Variants in OSBPL5 observed in about 807,000 individuals in gnomAD.
OSBPL5 encodes the protein oxysterol binding protein like 5, also known as oxysterol-binding protein-related protein 5.
Under a neutral mutation model 111.2 loss-of-function variants are expected in OSBPL5, and 71 were observed. The observed-to-expected ratio is 0.64, with a 90% CI of 0.53 to 0.78. OSBPL5 has a LOEUF of 0.78. Ranked by LOEUF, OSBPL5 falls within the 30% of genes least tolerant of loss-of-function variation. The pLI, the probability that OSBPL5 is intolerant of heterozygous loss-of-function variation, is 0.00. For synonymous variants in OSBPL5, 549 were observed against 513.9 expected (o/e 1.07, Z -0.93); for missense variants, 1,210 against 1,189.3 (o/e 1.02, Z -0.26).
intron 1 of OSBPL5, chr11:3,164,149 G>A (rs1847043810): frequency 1.3e-5 from 2 of 152,394 alleles, no homozygotes; most frequent in Admixed American, 6.5e-5. Flanking sequence ...ATCAGGTGGG[G>A]TGGGACCCTT....
intron 15 of OSBPL5, 44 bp from the exon 16 acceptor site, chr11:3,093,879 G>C: frequency 6.3e-7 from 1 of 1,577,608 alleles, no homozygotes; most frequent in South Asian, 1.1e-5. Flanking sequence ...GCGGGGGCTG[G>C]GGCCTCCAGA....
chr11:3,144,499 T>C (rs1435230803), intron 1 of OSBPL5, among the ~76,000 whole-genome samples: 3 of 152,190 alleles, frequency 2.0e-5, no homozygotes, highest in Non-Finnish European at 4.4e-5. Flanking sequence ...CCAGGCTCCG[T>C]GGCCGGGACC....
Position 3,142,120 on chromosome 11 carries a change from T to C in OSBPL5, c.-21-12951A>G, listed in dbSNP as rs985042251. Among the ~76,000 whole-genome samples, 1 of 152,236 alleles carries C rather than the reference T, an allele frequency of 6.6e-6. No individual in the cohort carries two copies. Among genetic ancestry groups the C allele is most frequent in the African/African-American group, 2.4e-5 (1 of 41,472 alleles). On this transcript the variant is annotated intron_variant, in intron 1 of 21. Transcript: ENST00000263650. This position sits in a 1 kb window ranked among gnomAD's most constrained non-coding sequence, Gnocchi z 7.1. ...TTTCAGTAGAGACATGGTTTCACCA[T>C]GTTGGCCAGGCTGGTCTCCAACTCC...
chr11:3,159,956 G>A (rs576102256), intron 1 of OSBPL5, among the ~76,000 whole-genome samples: 3 of 152,252 alleles, frequency 2.0e-5, no homozygotes, highest in East Asian at 1.9e-4. Flanking sequence ...TTCCGGCTGC[G>A]TCTTCCTCGG....
At position 3,094,325 on chromosome 11, in the gene OSBPL5, T is replaced by C. The variant is rs371388130; in HGVS notation, c.1631A>G (p.Tyr544Cys). 8.1e-6 allele frequency: 13 copies of C among 1,613,240 alleles called. No homozygotes were observed. The highest frequency in any genetic ancestry group is 1.0e-5 in the Non-Finnish European group (12 of 1,179,932). Residue 544 changes from tyrosine to cysteine, a missense_variant, in exon 15 of 22, where the codon TAT (tyrosine) becomes TGT (cysteine). Coordinates refer to ENST00000263650, the MANE Select transcript of OSBPL5 (RefSeq NM_020896.4). ...MPYAHCKGIL[Y>C]GTMTLELGGK... ...ACCCAGCTCCAGGGTCATCGTGCCA[T>C]ACAGGATTCCTGAAATGCAGCCAGT...
rs2134479160 is a variant in OSBPL5 at position 3,130,407 on chromosome 11, G to GA, written c.-21-1239_-21-1238insT. Among the ~76,000 whole-genome samples, 1 of 122,640 alleles carries GA rather than the reference G, an allele frequency of 8.2e-6. No individual in the cohort carries two copies. The highest frequency in any genetic ancestry group is 1.9e-5 in the Non-Finnish European group (1 of 51,780). 80.5% of individuals were successfully genotyped at this position (122,640 alleles called of 152,430 possible). Reference sequence around the variant, plus strand: ...TTCTCCCATGGTCCTGGGCTTTGCTGGGGGGGGCCTCAGACACACAGAGAC... The same window carrying GA: ...TTCTCCCATGGTCCTGGGCTTTGCTGAGGGGGGGCCTCAGACACACAGAGAC... On this transcript the variant is annotated intron_variant, in intron 1 of 21. Transcript: ENST00000263650. This position sits in a 1 kb window ranked among gnomAD's most constrained non-coding sequence, Gnocchi z 4.5.
At chr11:3,108,384 G>A (rs1050632804) in intron 7 of OSBPL5, among the ~76,000 whole-genome samples, 2 of 152,178 alleles carry the variant, frequency 1.3e-5, no homozygotes, top group African/African-American at 4.8e-5. Flanking sequence ...GGTTTCTGCA[G>A]GTGGAGTTAG....
intron 11 of OSBPL5, 59 bp from the exon 12 acceptor site, chr11:3,102,340 G>C: frequency 6.7e-7 from 1 of 1,499,998 alleles, no homozygotes; most frequent in Non-Finnish European, 9.1e-7. Context: ...GCTGTGCAGA[G>C]CAGGTGAGGG....
intron 7 of OSBPL5, among the ~76,000 whole-genome samples, chr11:3,108,646 G>T (rs1219160013): frequency 1.3e-5 from 2 of 152,264 alleles, no homozygotes; most frequent in African/African-American, 4.8e-5. Context: ...CACCACCCAA[G>T]GGTCCTCCTG....
intron 10 of OSBPL5, among the ~76,000 whole-genome samples, 199 bp downstream of exon 10, chr11:3,103,994 A>G (rs1262043069): frequency 6.6e-6 from 1 of 151,542 alleles, no homozygotes; most frequent in Admixed American, 6.6e-5. Flanking sequence ...CCCCCCTCTC[A>G]CCACGGATGG....
At chr11:3,163,215 A>G (rs1590744440) in intron 1 of OSBPL5, among the ~76,000 whole-genome samples, 1 of 152,152 alleles carries the variant, frequency 6.6e-6, no homozygotes, top group Non-Finnish European at 1.5e-5. Context: ...TCCCTTGAAC[A>G]ATAAATGGGA....
chr11:3,135,368 C>T (rs578112800), intron 1 of OSBPL5, among the ~76,000 whole-genome samples: 4 of 152,248 alleles, frequency 2.6e-5, no homozygotes, highest in South Asian at 2.1e-4. Context: ...GCTTGAGAGA[C>T]GCTGGAGCTG....
At chr11:3,135,752 C>A (rs566367952) in intron 1 of OSBPL5, among the ~76,000 whole-genome samples, 120 of 152,318 alleles carry the variant, frequency 7.9e-4, no homozygotes, top group African/African-American at 2.8e-3. Context: ...CAGGGTCCCA[C>A]CCACACCCAG....
rs542681921 is a variant in OSBPL5, at chr11:3,150,462, G to A, written c.-22+14754C>T. 1.8e-3 allele frequency among the ~76,000 whole-genome samples: 272 copies of A among 152,200 alleles called. 1 individual carries two copies. The highest frequency in any genetic ancestry group is 6.3e-3 in the African/African-American group (261 of 41,534). On this transcript the variant is annotated intron_variant, in intron 1 of 21. Coordinates refer to ENST00000263650, the MANE Select transcript of OSBPL5 (RefSeq NM_020896.4). The stretch of plus-strand genomic sequence containing the variant: ...GGGAGGAGCCCAGCAGCCCCTAGGT[G>A]GGCACGTCCCACCCGTCCAAGCTGG...
intron 2 of OSBPL5, among the ~76,000 whole-genome samples, chr11:3,128,302 A>C (rs78888544): frequency 2.0e-5 from 3 of 152,096 alleles, no homozygotes; most frequent in African/African-American, 2.4e-5. Flanking sequence ...GTGGGAGGAG[A>C]GGGGGCAGAG....
At chr11:3,125,804 C>CAAAAA (rs57633062) in intron 3 of OSBPL5, among the ~76,000 whole-genome samples, 1 of 52,948 alleles carries the variant, frequency 1.9e-5, no homozygotes, top group African/African-American at 6.2e-5. Flanking sequence ...GACTCCGTCT[C>CAAAAA]AAAAAAAAAA....
rs1846989770 is a variant in OSBPL5 at position 3,162,331 on chromosome 11, T to C, written c.-22+2885A>G. ...CATTTGCTCTCAGCCTGGGTGGCTC[T>C]GAGATTTGCAACAAAGGCCCTCTAG... On this transcript the variant is annotated intron_variant, in intron 1 of 21. Coordinates refer to ENST00000263650, the MANE Select transcript of OSBPL5 (RefSeq NM_020896.4). The surrounding 1 kb of genome is among the most constrained non-coding windows in gnomAD (Gnocchi z 8.1). Among the ~76,000 whole-genome samples, 7 of 152,126 alleles carry C rather than the reference T, an allele frequency of 4.6e-5. No individual in the cohort carries two copies. In the South Asian group the frequency reaches 1.5e-3, roughly 32 times the overall value.
intron 21 of OSBPL5, among the ~76,000 whole-genome samples, chr11:3,088,784 T>C (rs1206546796): frequency 2.0e-5 from 3 of 151,972 alleles, no homozygotes; most frequent in Non-Finnish European, 2.9e-5. Flanking sequence ...CTGGTGTCCT[T>C]ATATGAAGAA....
rs368456254 is a variant in OSBPL5 at position 3,126,436 on chromosome 11, C to G, written c.219+37G>C. On this transcript the variant is annotated intron_variant, in intron 3 of 21. Coordinates refer to ENST00000263650, the MANE Select transcript of OSBPL5 (RefSeq NM_020896.4). The surrounding 1 kb of genome is among the most constrained non-coding windows in gnomAD (Gnocchi z 6.5). ...GTTTCCTGCTGTCCCCAGAGCCAGG[C>G]TCTGGCTCATGGATCCTCCTATACC... 1 of 1,540,082 alleles carries G rather than the reference C, an allele frequency of 6.5e-7. No individual in the cohort carries two copies. The highest frequency in any genetic ancestry group is 2.3e-5 in the East Asian group (1 of 42,822).
Sources: gnomAD v4.1 joint callset for allele counts (sites outside exome capture counted in the v4.1 genomes callset) on GRCh38, gnomAD v4.1.1 for gene constraint, Gnocchi (gnomAD v3.1) non-coding constraint, MANE v1.5 for transcripts, NCBI Gene and HGNC (gene_info 2026-07-23, HGNC 2026-07-21) for gene names.